Variants in CAMK4 observed in about 807,000 individuals in gnomAD.
CAMK4 encodes calcium/calmodulin-dependent protein kinase type IV.
A neutral mutation model predicts 44.9 loss-of-function variants in CAMK4; 22 were observed. That is an observed-to-expected ratio of 0.49 (90% CI 0.35 to 0.70). The LOEUF (loss-of-function observed/expected upper bound fraction) is 0.70, where lower values mean the gene tolerates loss of function less well. Among genes scored for constraint, CAMK4 ranks in the 30% least tolerant of loss-of-function variants. The probability of loss-of-function intolerance (pLI) is 0.01; values close to 1 mark genes in which losing one functional copy is unlikely to be tolerated. For missense variants in CAMK4, 498 were observed against 586.8 expected (o/e 0.85, Z 1.56); for synonymous variants, 218 against 215.4 (o/e 1.01, Z -0.11).
chr5:111,431,156 A>G (rs1197644540), intron 5 of CAMK4, among the ~76,000 whole-genome samples: 1 of 152,148 alleles, frequency 6.6e-6, no homozygotes, highest in African/African-American at 2.4e-5. Flanking sequence ...TAGTGACCAA[A>G]ACAGACACAT....
intron 5 of CAMK4, among the ~76,000 whole-genome samples, chr5:111,420,980 G>A (rs1753007440): frequency 7.2e-6 from 1 of 139,844 alleles, no homozygotes; most frequent in Non-Finnish European, 1.5e-5. Flanking sequence ...AGAGATTAAA[G>A]TAAAGACAGG....
chr5:111,477,386 C>G (rs1755284502), intron 8 of CAMK4, among the ~76,000 whole-genome samples: 1 of 152,208 alleles, frequency 6.6e-6, no homozygotes, highest in Non-Finnish European at 1.5e-5. Context: ...ATGTACCAAC[C>G]TGGCCAGCTT....
chr5:111,457,365 T>A (rs893571590), intron 7 of CAMK4, among the ~76,000 whole-genome samples: 5 of 152,194 alleles, frequency 3.3e-5, no homozygotes, highest in African/African-American at 1.2e-4. Flanking sequence ...AGACCTTACA[T>A]TTGAACATGT....
chr5:111,396,890 C>A (rs1298909407), intron 5 of CAMK4, among the ~76,000 whole-genome samples: 1 of 152,092 alleles, frequency 6.6e-6, no homozygotes, highest in Non-Finnish European at 1.5e-5. Context: ...ATCCACCCAC[C>A]TTGGCTTCCC....
chr5:111,268,464 C>G (rs1750359218), intron 1 of CAMK4, among the ~76,000 whole-genome samples: 1 of 152,206 alleles, frequency 6.6e-6, no homozygotes, highest in Non-Finnish European at 1.5e-5. Context: ...TGGCAAGCCC[C>G]TTGAATTTCC....
chr5:111,360,025 CA>C (rs1384114189), intron 2 of CAMK4, among the ~76,000 whole-genome samples: 1 of 151,932 alleles, frequency 6.6e-6, no homozygotes, highest in Non-Finnish European at 1.5e-5. Flanking sequence ...AGTGTCAAAT[CA>C]AAATTTACCC....
chr5:111,257,972 C>T (rs1749811475), intron 1 of CAMK4, among the ~76,000 whole-genome samples: 1 of 152,082 alleles, frequency 6.6e-6, no homozygotes, highest in Non-Finnish European at 1.5e-5. Flanking sequence ...GAGATACCAT[C>T]TCAGGGGAAC....
chr5:111,370,910 T>G (rs1186550132), intron 2 of CAMK4, among the ~76,000 whole-genome samples: 1 of 63,194 alleles, frequency 1.6e-5, no homozygotes, highest in Non-Finnish European at 3.0e-5. Flanking sequence ...CGAGACTCCA[T>G]CTCAAAAAAC....
chr5:111,300,097 G>A (rs1580550611), intron 1 of CAMK4, among the ~76,000 whole-genome samples: 1 of 152,278 alleles, frequency 6.6e-6, no homozygotes, highest in East Asian at 1.9e-4. Flanking sequence ...GTTGAGGCTA[G>A]AGAAAATGAC....
intron 7 of CAMK4, among the ~76,000 whole-genome samples, chr5:111,467,593 T>G (rs1417609766): frequency 2.0e-5 from 3 of 151,844 alleles, no homozygotes; most frequent in African/African-American, 7.3e-5. Flanking sequence ...AACAAACATA[T>G]GAAAAAAATG....
chr5:111,420,349 T>A (rs1561476546), intron 5 of CAMK4, among the ~76,000 whole-genome samples: 1 of 152,078 alleles, frequency 6.6e-6, no homozygotes, highest in African/African-American at 2.4e-5. Flanking sequence ...GGTGAGACAA[T>A]GGGGTTTTCT....
rs459266 is a variant in CAMK4, at chr5:111,399,116, G to T, written c.459+4334G>T. On this transcript the variant is annotated intron_variant, in intron 5 of 10. Transcript: ENST00000282356. ...AAAAATCAAAATGCCTTAACATATCGTAGGATGTCCTGCATATTCAGGTTC... is the reference window on the plus strand; with the variant it reads ...AAAAATCAAAATGCCTTAACATATCTTAGGATGTCCTGCATATTCAGGTTC... Among the ~76,000 whole-genome samples the T allele has an allele frequency of 2.4e-4, 37 of 152,140 alleles. 1 individual carries two copies. The highest frequency in any genetic ancestry group is 1.3e-3 in the Admixed American group (20 of 15,274).
At chr5:111,457,605 A>G (rs1754464203) in intron 7 of CAMK4, among the ~76,000 whole-genome samples, 1 of 152,198 alleles carries the variant, frequency 6.6e-6, no homozygotes, top group Non-Finnish European at 1.5e-5. Context: ...AACAGAAGAG[A>G]TCTCTGCTTA....
intron 1 of CAMK4, among the ~76,000 whole-genome samples, chr5:111,233,642 T>C (rs1748577602): frequency 6.6e-6 from 1 of 152,234 alleles, no homozygotes; most frequent in African/African-American, 2.4e-5. Flanking sequence ...AATAATATGC[T>C]AAATAAATTA....
chr5:111,456,479 A>G (rs1361912670), intron 7 of CAMK4, among the ~76,000 whole-genome samples: 2 of 142,466 alleles, frequency 1.4e-5, no homozygotes, highest in African/African-American at 5.0e-5. Context: ...CGACAGAGCG[A>G]GACTCCATCT....
At chr5:111,427,902 C>G (rs1450882673) in intron 5 of CAMK4, among the ~76,000 whole-genome samples, 1 of 152,234 alleles carries the variant, frequency 6.6e-6, no homozygotes, top group Non-Finnish European at 1.5e-5. Context: ...TAGGCGGTAG[C>G]CAGAGTGTAG....
intron 1 of CAMK4, among the ~76,000 whole-genome samples, chr5:111,295,099 G>A (rs567638077): frequency 4.6e-5 from 7 of 152,132 alleles, no homozygotes; most frequent in East Asian, 1.9e-4. Context: ...TGGTTTGAAA[G>A]GGTTTATTTG....
intron 1 of CAMK4, among the ~76,000 whole-genome samples, chr5:111,258,896 CTCAA>C (rs1401234178): frequency 6.6e-6 from 1 of 151,960 alleles, no homozygotes; most frequent in African/African-American, 2.4e-5. Context: ...AAGTAAACAA[CTCAA>C]TCTATGTATG....
intron 7 of CAMK4, among the ~76,000 whole-genome samples, chr5:111,461,844 A>T (rs1437078404): frequency 7.7e-6 from 1 of 129,610 alleles, no homozygotes; most frequent in African/African-American, 2.7e-5. Flanking sequence ...AAATCCCAGC[A>T]TTTGCCCCTA....
Sources: gnomAD v4.1 joint callset for allele counts (sites outside exome capture counted in the v4.1 genomes callset) on GRCh38, gnomAD v4.1.1 for gene constraint, MANE v1.5 for transcripts, NCBI Gene and HGNC (gene_info 2026-07-23, HGNC 2026-07-21) for gene names.